EML4: variants seen among roughly 807,000 people sequenced by gnomAD.
The protein encoded by EML4 is echinoderm microtubule-associated protein-like 4.
Under a neutral mutation model 129.0 loss-of-function variants are expected in EML4, and 72 were observed. The observed-to-expected ratio is 0.56, with a 90% CI of 0.46 to 0.68. EML4 has a LOEUF of 0.68. Among genes scored for constraint, EML4 ranks in the 30% least tolerant of loss-of-function variants. The pLI, the probability that EML4 is intolerant of heterozygous loss-of-function variation, is 0.00. For synonymous variants in EML4, 532 were observed against 405.0 expected (o/e 1.31, Z -3.77); for missense variants, 1,363 against 1,190.6 (o/e 1.14, Z -2.13).
intron 11 of EML4, among the ~76,000 whole-genome samples, chr2:42,290,731 C>G (rs984040009): frequency 6.6e-6 from 1 of 151,820 alleles, no homozygotes; most frequent in African/African-American, 2.4e-5. Flanking sequence ...GACCCTGTCT[C>G]AAAAAAATTT....
intron 18 of EML4, among the ~76,000 whole-genome samples, chr2:42,316,742 C>T (rs1056308944): frequency 3.9e-5 from 6 of 152,152 alleles, no homozygotes; most frequent in African/African-American, 1.4e-4. Context: ...GCACAGGATC[C>T]AGAGAATCTT....
At chr2:42,176,806 T>A (rs1670631360) in intron 1 of EML4, among the ~76,000 whole-genome samples, 1 of 152,178 alleles carries the variant, frequency 6.6e-6, no homozygotes, top group African/African-American at 2.4e-5. Context: ...TTATTTATTT[T>A]TTTATGAGAC....
intron 6 of EML4, among the ~76,000 whole-genome samples, chr2:42,268,724 C>T (rs375771923): frequency 9.2e-5 from 14 of 152,156 alleles, no homozygotes; most frequent in Admixed American, 5.2e-4. Flanking sequence ...AGCTGTGAGC[C>T]GCCGCACCTG....
chr2:42,286,903 C>A (rs115179172), intron 10 of EML4, among the ~76,000 whole-genome samples: 4 of 152,216 alleles, frequency 2.6e-5, no homozygotes, highest in African/African-American at 9.6e-5. Flanking sequence ...AAAATTTTCC[C>A]CAGCAGTCCT....
At position 42,286,343 on chromosome 2, in the gene EML4, T is replaced by C; in HGVS notation, c.1086T>C (p.Phe362=). ...STLQIIGLGT[F]ERGVGCLDFS... ...TGCAGATTATTGGACTTGGCACTTT[T>C]GAGCGTGGAGTAGGATGCCTGGATT... Residue 362 remains phenylalanine (F), a synonymous_variant, in exon 10 of 23, where the codon TTT becomes TTC. Coordinates refer to ENST00000318522, the MANE Select transcript of EML4 (RefSeq NM_019063.5). The C allele has an allele frequency of 6.2e-7, 1 of 1,613,758 alleles. No homozygotes were observed. Among genetic ancestry groups the C allele is most frequent in the Non-Finnish European group, 8.5e-7 (1 of 1,179,632 alleles).
chr2:42,282,981 C>A lies in EML4; in HGVS notation c.941+9C>A, dbSNP rs200755298. On this transcript the variant is annotated intron_variant, in intron 8 of 22. Transcript: ENST00000318522. ...ACAGACTGTGTGAAATGGTTGGTAT[C>A]ATTTAACATTGGTTCATTTTTGTTC... is the stretch of plus-strand genomic sequence containing the variant. 1.2e-5 allele frequency: 19 copies of A among 1,581,226 alleles called. No homozygotes were observed. The highest frequency in any genetic ancestry group is 1.7e-4 in the Middle Eastern group (1 of 5,960).
intron 1 of EML4, among the ~76,000 whole-genome samples, chr2:42,207,555 A>T (rs1672633784): frequency 6.6e-6 from 1 of 152,206 alleles, no homozygotes; most frequent in South Asian, 2.1e-4. Context: ...TTTGCTGTGA[A>T]TTGGAAAGCC....
chr2:42,234,022 G>A (rs1674510490), intron 1 of EML4, among the ~76,000 whole-genome samples: 1 of 152,240 alleles, frequency 6.6e-6, no homozygotes, highest in Non-Finnish European at 1.5e-5. Context: ...TTTGCATAGT[G>A]CATTAATTCA....
chr2:42,244,101 G>GTTTTTTTTTTTTTTTTTTTGTT (rs147426155), intron 1 of EML4, among the ~76,000 whole-genome samples: 1 of 81,368 alleles, frequency 1.2e-5, no homozygotes, highest in African/African-American at 3.5e-5. Context: ...TTTGTTTTTT[G>GTTTTTTTTTTTTTTTTTTTGTT]TTTTTTTTTT....
At chr2:42,219,655 C>T (rs1344760420) in intron 1 of EML4, among the ~76,000 whole-genome samples, 10 of 152,082 alleles carry the variant, frequency 6.6e-5, no homozygotes, top group African/African-American at 1.9e-4. Context: ...CAGTGGCTCA[C>T]GCCTGTAATC....
At chr2:42,312,266 C>T (rs1027516210) in intron 17 of EML4, among the ~76,000 whole-genome samples, 6 of 151,328 alleles carry the variant, frequency 4.0e-5, no homozygotes, top group Admixed American at 2.6e-4. Flanking sequence ...AATTCTAAGC[C>T]CCCCCCCACC....
intron 1 of EML4, among the ~76,000 whole-genome samples, chr2:42,193,936 T>C (rs998276791): frequency 6.6e-6 from 1 of 152,184 alleles, no homozygotes; most frequent in Non-Finnish European, 1.5e-5. Context: ...CCTCTCCCTT[T>C]GGCCTCCCAG....
chr2:42,228,384 T>C (rs775436952), intron 1 of EML4, among the ~76,000 whole-genome samples: 8 of 152,184 alleles, frequency 5.3e-5, no homozygotes, highest in African/African-American at 9.7e-5. Flanking sequence ...TTTGCTGATA[T>C]AGCTTGTGGT....
chr2:42,184,939 A>AGTT (rs1671158473), intron 1 of EML4, among the ~76,000 whole-genome samples: 1 of 152,182 alleles, frequency 6.6e-6, no homozygotes, highest in Non-Finnish European at 1.5e-5. Context: ...CCAGTGCCTA[A>AGTT]CCGCTTTGGC....
rs1401157301 is a variant in EML4 at position 42,332,205 on chromosome 2, G to GTTTA, written c.*2002_*2005dup. 1.4e-5 allele frequency: 3 copies of GTTTA among 218,424 alleles called. No individual in the cohort carries two copies. The highest frequency in any genetic ancestry group is 2.3e-5 in the African/African-American group (1 of 44,392). 13.5% of individuals were successfully genotyped at this position (218,424 alleles called of 1,614,324 possible). Reference sequence around the variant, plus strand: ...TACAGCTCTCAGTGATCAGCAGGGAGTTTATTTGAGGACATCAGTCACCTT... The same window carrying GTTTA: ...TACAGCTCTCAGTGATCAGCAGGGAGTTTATTTATTTGAGGACATCAGTCACCTT... On this transcript the variant is annotated 3_prime_UTR_variant, in exon 23 of 23. Transcript: ENST00000318522.
At chr2:42,326,030 C>T (rs2103836048) in intron 20 of EML4, 124 bp from the exon 21 acceptor site, 1 of 1,287,344 alleles carries the variant, frequency 7.8e-7, no homozygotes, top group South Asian at 1.9e-5. Context: ...TTAAATGTGT[C>T]TTAATGTTTT....
At chr2:42,190,258 C>G (rs1007323999) in intron 1 of EML4, among the ~76,000 whole-genome samples, 6 of 152,084 alleles carry the variant, frequency 3.9e-5, no homozygotes, top group Non-Finnish European at 8.8e-5. Context: ...CTCTTCCCTC[C>G]CATTCCCTCC....
At chr2:42,177,305 A>C (rs367807097) in intron 1 of EML4, among the ~76,000 whole-genome samples, 84 of 152,110 alleles carry the variant, frequency 5.5e-4, no homozygotes, top group South Asian at 3.3e-3. Flanking sequence ...ATTGTAATAC[A>C]CAATCTCAGA....
At position 42,330,161 on chromosome 2, in the gene EML4, A is replaced by G; in HGVS notation, c.2900A>G (p.Lys967Arg). 1 of 1,612,252 alleles carries G rather than the reference A, an allele frequency of 6.2e-7. No individual in the cohort carries two copies. Among genetic ancestry groups the G allele is most frequent in the Non-Finnish European group, 8.5e-7 (1 of 1,179,710 alleles). Reference sequence around the variant, plus strand: ...AACGAGATAAGCAAGGAGCAGGCCAAAGCCACCCTTCTGGAGGACCAGCAA... The same window carrying G: ...AACGAGATAAGCAAGGAGCAGGCCAGAGCCACCCTTCTGGAGGACCAGCAA... ...PCNEISKEQA[K>R]ATLLEDQQDP... Residue 967 changes from lysine (K) to arginine (R), a missense_variant, in exon 23 of 23, where the codon AAA becomes AGA. Physicochemically the swap from Lys to Arg is conservative, Grantham distance 26 (BLOSUM62 2). Coordinates refer to ENST00000318522, the MANE Select transcript of EML4 (RefSeq NM_019063.5).
Sources: gnomAD v4.1 joint callset for allele counts (sites outside exome capture counted in the v4.1 genomes callset) on GRCh38, gnomAD v4.1.1 for gene constraint, MANE v1.5 for transcripts, NCBI Gene and HGNC (gene_info 2026-07-23, HGNC 2026-07-21) for gene names.